The following TNKS variants were observed in gnomAD, a reference collection of about 807,000 sequenced individuals.
The protein encoded by TNKS is tankyrase, also known as poly [ADP-ribose] polymerase tankyrase-1.
TNKS carries 72 observed loss-of-function variants against 135.8 expected under a neutral mutation model. The ratio of observed to expected loss-of-function variants is 0.53; its 90% confidence interval spans 0.44 to 0.64. TNKS has a LOEUF of 0.64. TNKS is among the 30% of genes least tolerant of loss of function. The pLI, the probability that TNKS is intolerant of heterozygous loss-of-function variation, is 0.00. For missense variants in TNKS, 1,769 were observed against 1,674.0 expected (o/e 1.06, Z -0.99); for synonymous variants, 849 against 649.3 (o/e 1.31, Z -4.68).
intron 15 of TNKS, among the ~76,000 whole-genome samples, chr8:9,734,118 T>G (rs1051882501): frequency 6.6e-6 from 1 of 152,146 alleles, no homozygotes; most frequent in African/African-American, 2.4e-5. Context: ...TCAAATACAT[T>G]CTTATGAATC....
chr8:9,690,769 T>G (rs6981763), intron 5 of TNKS, among the ~76,000 whole-genome samples: 13,079 of 152,298 alleles, frequency 0.086, 609 homozygotes, highest in South Asian at 0.18. Flanking sequence ...TGTTTTATAT[T>G]TCATAAATTC....
intron 18 of TNKS, among the ~76,000 whole-genome samples, chr8:9,751,214 A>G (rs1398842066): frequency 6.6e-6 from 1 of 152,258 alleles, no homozygotes; most frequent in Non-Finnish European, 1.5e-5. Flanking sequence ...GAGCTAAATT[A>G]AAGTGTCATC....
intron 3 of TNKS, among the ~76,000 whole-genome samples, chr8:9,625,652 A>G (rs1800028555): frequency 6.6e-6 from 1 of 152,086 alleles, no homozygotes; most frequent in Non-Finnish European, 1.5e-5. Flanking sequence ...TAACCCACAG[A>G]CTATTTAGAG....
intron 2 of TNKS, among the ~76,000 whole-genome samples, chr8:9,597,036 G>T (rs1157262778): frequency 6.6e-6 from 1 of 152,166 alleles, no homozygotes; most frequent in Non-Finnish European, 1.5e-5. Flanking sequence ...ATTTACTTCT[G>T]GGGAAGAAAG....
At chr8:9,717,868 G>C (rs192763596) in intron 11 of TNKS, among the ~76,000 whole-genome samples, 3 of 152,242 alleles carry the variant, frequency 2.0e-5, no homozygotes, top group African/African-American at 4.8e-5. Context: ...CTGGGGAAGA[G>C]ATTGGAGAAA....
chr8:9,591,923 C>T (rs540430242), intron 2 of TNKS, among the ~76,000 whole-genome samples: 4 of 152,218 alleles, frequency 2.6e-5, no homozygotes, highest in South Asian at 4.1e-4. Flanking sequence ...AAGCAGTTTC[C>T]GGTCTGAGGG....
At chr8:9,633,176 A>G (rs1252388818) in intron 3 of TNKS, among the ~76,000 whole-genome samples, 2 of 152,230 alleles carry the variant, frequency 1.3e-5, no homozygotes, top group African/African-American at 2.4e-5. Flanking sequence ...CCTTCCAAAA[A>G]TGTACTACTA....
intron 14 of TNKS, 46 bp downstream of exon 14, chr8:9,731,081 T>C: frequency 6.8e-7 from 1 of 1,481,242 alleles, no homozygotes; most frequent in South Asian, 1.4e-5. Context: ...TCTTCATGCT[T>C]AAAAAATTTA....
intron 5 of TNKS, among the ~76,000 whole-genome samples, chr8:9,700,283 A>G (rs1029629475): frequency 3.3e-5 from 5 of 152,136 alleles, no homozygotes; most frequent in Admixed American, 2.6e-4. Flanking sequence ...ATTTATATGC[A>G]TTTCCTTTAG....
intron 17 of TNKS, among the ~76,000 whole-genome samples, chr8:9,746,881 C>T (rs1478535655): frequency 1.0e-4 from 12 of 117,226 alleles, no homozygotes; most frequent in South Asian, 2.8e-4. Context: ...CCTACTTAAA[C>T]TTTTTTTTTT....
chr8:9,633,575 A>G (rs928084297), intron 3 of TNKS, among the ~76,000 whole-genome samples: 2 of 152,160 alleles, frequency 1.3e-5, no homozygotes, highest in South Asian at 2.1e-4. Context: ...CCCCTCCCAC[A>G]TTGTAGAAGA....
intron 3 of TNKS, among the ~76,000 whole-genome samples, chr8:9,649,921 ACT>A (rs1801080865): frequency 9.8e-6 from 1 of 101,980 alleles, no homozygotes; most frequent in Non-Finnish European, 1.8e-5. Context: ...ATGGAGCCTC[ACT>A]CTGTTGTCCA....
intron 12 of TNKS, among the ~76,000 whole-genome samples, chr8:9,721,135 C>T (rs1419499907): frequency 6.6e-6 from 1 of 151,508 alleles, no homozygotes; most frequent in Admixed American, 6.6e-5. Flanking sequence ...CAAAAATTAG[C>T]TGGGCGGAGT....
At chr8:9,708,275 C>T (rs558905291) in intron 8 of TNKS, 96 bp from the exon 9 acceptor site, 2 of 1,121,220 alleles carry the variant, frequency 1.8e-6, no homozygotes, top group South Asian at 2.0e-5. Flanking sequence ...TAGAGAAATT[C>T]ATAAAATAAT....
intron 2 of TNKS, among the ~76,000 whole-genome samples, chr8:9,590,442 G>A (rs1027710907): frequency 6.6e-6 from 1 of 152,092 alleles, no homozygotes; most frequent in Non-Finnish European, 1.5e-5. Flanking sequence ...TTACACCATA[G>A]CACTTATTAC....
At chr8:9,680,042 G>A in intron 4 of TNKS, 55 bp downstream of exon 4, 1 of 1,329,666 alleles carries the variant, frequency 7.5e-7, no homozygotes, top group Non-Finnish European at 1.1e-6. Context: ...AGAGAAGGAG[G>A]AGGGCAGGTG....
intron 1 of TNKS, among the ~76,000 whole-genome samples, chr8:9,563,220 A>T (rs968460590): frequency 6.6e-6 from 1 of 152,096 alleles, no homozygotes; most frequent in Non-Finnish European, 1.5e-5. Context: ...TGTACCCATT[A>T]AACTATGTCT....
chr8:9,623,399 A>C lies in TNKS; in HGVS notation c.994+7722A>C, dbSNP rs531361597. Among the ~76,000 whole-genome samples, 26 of 151,380 alleles carry C rather than the reference A, an allele frequency of 1.7e-4. 2 individuals are homozygous for C. In the South Asian group the frequency reaches 5.2e-3, roughly 30 times the overall value. The stretch of plus-strand genomic sequence containing the variant: ...AGTGCAGATTCGGTTTCAGACCACT[A>C]TGAAGAAGCAAATATTGCCATAAAG... On this transcript the variant is annotated intron_variant, in intron 3 of 26. Coordinates refer to ENST00000310430, the MANE Select transcript of TNKS (RefSeq NM_003747.3).
intron 2 of TNKS, among the ~76,000 whole-genome samples, chr8:9,596,884 C>G (rs1395761247): frequency 6.6e-6 from 1 of 152,140 alleles, no homozygotes; most frequent in Non-Finnish European, 1.5e-5. Context: ...TAGTGGGTCC[C>G]CTAAAATGGA....
Sources: gnomAD v4.1 joint callset for allele counts (sites outside exome capture counted in the v4.1 genomes callset) on GRCh38, gnomAD v4.1.1 for gene constraint, MANE v1.5 for transcripts, NCBI Gene and HGNC (gene_info 2026-07-23, HGNC 2026-07-21) for gene names.